The following EPB41L5 variants were observed in gnomAD, a reference collection of about 807,000 sequenced individuals.
EPB41L5 encodes band 4.1-like protein 5.
Under a neutral mutation model 106.6 loss-of-function variants are expected in EPB41L5, and 55 were observed. That is an observed-to-expected ratio of 0.52 (90% CI 0.42 to 0.65). The LOEUF (loss-of-function observed/expected upper bound fraction) is 0.65, where lower values mean the gene tolerates loss of function less well. Ranked by LOEUF, EPB41L5 falls within the 30% of genes least tolerant of loss-of-function variation. The probability of loss-of-function intolerance (pLI) is 0.00; values close to 1 mark genes in which losing one functional copy is unlikely to be tolerated. For missense variants in EPB41L5, 871 were observed against 882.1 expected, an observed-to-expected ratio of 0.99 and a Z score of 0.16; for synonymous variants, 297 against 306.7, an observed-to-expected ratio of 0.97 and a Z score of 0.33.
intron 24 of EPB41L5, among the ~76,000 whole-genome samples, chr2:120,169,737 A>G (rs1687586451): frequency 6.6e-6 from 1 of 152,214 alleles, no homozygotes; most frequent in African/African-American, 2.4e-5. Flanking sequence ...AGCATAATAG[A>G]AAAATGGGCA....
intron 20 of EPB41L5, among the ~76,000 whole-genome samples, chr2:120,159,439 AAAAAGT>A: frequency 6.6e-6 from 1 of 150,458 alleles, no homozygotes; most frequent in Middle Eastern, 3.4e-3. Context: ...AAAAAAAAAA[AAAAAGT>A]GACAATCAAT....
At chr2:120,142,633 T>G (rs547303826) in intron 18 of EPB41L5, among the ~76,000 whole-genome samples, 22 of 152,270 alleles carry the variant, frequency 1.4e-4, no homozygotes, top group African/African-American at 4.3e-4. Flanking sequence ...TATTTTAGTC[T>G]TGCAGAACCT....
At chr2:120,168,275 A>T (rs990788279) in intron 24 of EPB41L5, among the ~76,000 whole-genome samples, 1 of 152,146 alleles carries the variant, frequency 6.6e-6, no homozygotes, top group African/African-American at 2.4e-5. Flanking sequence ...TTTAAAGTCA[A>T]TTTGTATTGT....
intron 10 of EPB41L5, among the ~76,000 whole-genome samples, chr2:120,080,261 C>A (rs1208982262): frequency 6.6e-6 from 1 of 152,080 alleles, no homozygotes; most frequent in South Asian, 2.1e-4. Context: ...CTCCCCCTCC[C>A]CCAACCCCAC....
At chr2:120,037,606 C>G (rs1679124895) in intron 2 of EPB41L5, among the ~76,000 whole-genome samples, 1 of 151,746 alleles carries the variant, frequency 6.6e-6, no homozygotes, top group South Asian at 2.1e-4. Context: ...TGCTTGAGAC[C>G]AGGAGTTCAA....
chr2:120,100,273 A>G lies in EPB41L5; in HGVS notation c.1208A>G (p.Asn403Ser), dbSNP rs765044439. The part of the protein sequence containing the change: ...SVHNNVSTQS[N>S]GSQQAWGMRS... ...CACAATAATGTTTCGACCCAAAGTA[A>G]TGGCTCCCAACAGGTAAGACAATAC... is the stretch of plus-strand genomic sequence containing the variant. The change falls in exon 15 of 25, where the codon AAT becomes AGT. Residue 403 changes from asparagine to serine, a missense_variant. By Grantham distance (46) the Asn-to-Ser change is conservative. Transcript: ENST00000263713. The G allele has an allele frequency of 9.3e-5, 150 of 1,613,344 alleles. No individual in the cohort carries two copies. Among genetic ancestry groups the G allele is most frequent in the Non-Finnish European group, 1.2e-4 (139 of 1,179,618 alleles).
intron 14 of EPB41L5, among the ~76,000 whole-genome samples, chr2:120,096,193 G>A (rs1683742290): frequency 6.6e-6 from 1 of 151,960 alleles, no homozygotes; most frequent in East Asian, 1.9e-4. Flanking sequence ...TGGATATTGA[G>A]TATCATCAGC....
intron 1 of EPB41L5, among the ~76,000 whole-genome samples, chr2:120,016,608 T>C (rs570018410): frequency 6.6e-6 from 1 of 152,154 alleles, no homozygotes; most frequent in African/African-American, 2.4e-5. Context: ...AAGGTGTTCG[T>C]TTTTATGAAC....
chr2:120,048,250 G>A (rs563917671), intron 3 of EPB41L5, among the ~76,000 whole-genome samples: 1 of 152,280 alleles, frequency 6.6e-6, no homozygotes, highest in South Asian at 2.1e-4. Flanking sequence ...GCTCCTCTTT[G>A]TACCTCTGGT....
intron 3 of EPB41L5, among the ~76,000 whole-genome samples, chr2:120,059,168 G>T (rs2105274902): frequency 6.6e-6 from 1 of 152,272 alleles, no homozygotes; most frequent in African/African-American, 2.4e-5. Context: ...TTTGTCAAAG[G>T]TGCCAAAGTA....
chr2:120,054,187 T>G (rs1313352554), intron 3 of EPB41L5, among the ~76,000 whole-genome samples: 2 of 152,230 alleles, frequency 1.3e-5, no homozygotes, highest in East Asian at 3.9e-4. Flanking sequence ...TGTGCTTGTT[T>G]GCCGTTTGTG....
Position 120,042,033 on chromosome 2 carries a change from G to A in EPB41L5, c.208G>A (p.Asp70Asn), listed in dbSNP as rs764846451. 28 of 1,612,140 alleles carry A rather than the reference G, an allele frequency of 1.7e-5. No homozygotes were observed. Among genetic ancestry groups the A allele is most frequent in the Non-Finnish European group, 2.1e-5 (25 of 1,179,014 alleles). ...AAAAGCCAAAGGACAAGAGTTGTTT[G>A]ATCAGATTATGTACCACCTGGACCT... ...PKKAKGQELF[D>N]QIMYHLDLIE... Residue 70 changes from aspartate (D) to asparagine (N), a missense_variant, in exon 3 of 25, where the codon GAT (aspartate) becomes AAT (asparagine). Transcript: ENST00000263713.
In EPB41L5 at chr2:120,087,318, A is replaced by ATG. The variant is rs1683125319; in HGVS notation, c.873+80_873+81dup. The ATG allele has an allele frequency of 7.1e-6, 6 of 841,662 alleles. No homozygotes were observed. The South Asian group carries it at 9.9e-5, about 14-fold the overall frequency. The allele number at this position is 841,662 out of a possible 1,614,324, so 52.1% of individuals were successfully genotyped here. ...GTAACTTATTTCTCTAAAAGAGGGA[A>ATG]TGTACCTCATTGTTTTAAAGAGCCA... is the stretch of plus-strand genomic sequence containing the variant. On this transcript the variant is annotated intron_variant, in intron 11 of 24. Transcript: ENST00000263713.
chr2:120,090,627 G>A, intron 12 of EPB41L5, 111 bp downstream of exon 12: 1 of 940,952 alleles, frequency 1.1e-6, no homozygotes, highest in South Asian at 1.9e-5. Flanking sequence ...GGAATAAGGT[G>A]GTTTGCCAGA....
intron 16 of EPB41L5, among the ~76,000 whole-genome samples, chr2:120,126,643 T>C (rs1422083395): frequency 9.9e-5 from 15 of 152,214 alleles, no homozygotes; most frequent in Non-Finnish European, 2.9e-5. Flanking sequence ...AATTCTGTTG[T>C]TGATTTACAT....
At chr2:120,054,523 CTCACTCTTCTCACTCCAG>C (rs1427595569) in intron 3 of EPB41L5, among the ~76,000 whole-genome samples, 1 of 2,586 alleles carries the variant, frequency 3.9e-4, no homozygotes, top group African/African-American at 4.6e-4. Context: ...GAGAAAGAGT[CTCACTCTTCTCACTCCAG>C]TCACCAGGCT....
chr2:120,044,432 A>G (rs1298650388), intron 3 of EPB41L5, among the ~76,000 whole-genome samples: 2 of 152,200 alleles, frequency 1.3e-5, no homozygotes, highest in Non-Finnish European at 2.9e-5. Context: ...ATTAATTTTA[A>G]TATCATTCAG....
chr2:120,014,029 A>G (rs1677337313), intron 1 of EPB41L5, among the ~76,000 whole-genome samples: 1 of 152,224 alleles, frequency 6.6e-6, no homozygotes, highest in African/African-American at 2.4e-5. Flanking sequence ...AAATAGGTTA[A>G]CATTATTCGA....
At chr2:120,040,005 G>A (rs190228110) in intron 2 of EPB41L5, among the ~76,000 whole-genome samples, 377 of 151,608 alleles carry the variant, frequency 2.5e-3, no homozygotes, top group Non-Finnish European at 2.8e-3. Context: ...AAATTCTAGC[G>A]TTGTCATTGT....
Sources: gnomAD v4.1 joint callset for allele counts (sites outside exome capture counted in the v4.1 genomes callset) on GRCh38, gnomAD v4.1.1 for gene constraint, MANE v1.5 for transcripts, NCBI Gene and HGNC (gene_info 2026-07-23, HGNC 2026-07-21) for gene names.